ZNF559: variants seen among roughly 807,000 people sequenced by gnomAD.
ZNF559 encodes the protein putative protein product of Nbla00121.
ZNF559 carries 17 observed loss-of-function variants against 14.2 expected under a neutral mutation model. The observed-to-expected ratio is 1.20, with a 90% confidence interval of 0.82 to 1.80. The LOEUF (loss-of-function observed/expected upper bound fraction) is 1.80. Among genes scored for constraint, ZNF559 ranks in the 40% most tolerant of loss-of-function variants. The pLI, the probability that ZNF559 is intolerant of heterozygous loss-of-function variation, is 0.00. For synonymous variants in ZNF559, 244 were observed against 212.4 expected, an observed-to-expected ratio of 1.15 and a Z score of -1.29; for missense variants, 740 against 629.7, an observed-to-expected ratio of 1.18 and a Z score of -1.88.
Position 9,341,820 on chromosome 19 carries a change from A to T in ZNF559, c.369A>T (p.Gln123His), listed in dbSNP as rs372612939. 1 of 1,611,420 alleles carries T rather than the reference A, an allele frequency of 6.2e-7. No homozygotes were observed. The highest frequency in any genetic ancestry group is 1.1e-5 in the South Asian group (1 of 90,342). The change falls in exon 7 of 7, where the codon CAA becomes CAT. Residue 123 changes from glutamine to histidine, a missense_variant. By Grantham distance (24) the Gln-to-His change is conservative (BLOSUM62 0). Transcript: ENST00000603380. ...YFRKKTCECN[Q>H]CEKAFRKPSI... ...GAAAGAAAACCTGTGAGTGTAATCA[A>T]TGTGAAAAAGCCTTCAGAAAACCCT... is the stretch of plus-strand genomic sequence containing the variant.
At chr19:9,323,883 C>T (rs1170449941), upstream of ZNF559, 2 of 492,284 alleles carry the variant, frequency 4.1e-6, no homozygotes, top group Non-Finnish European at 7.3e-6. Context: ...AGTTCCCACA[C>T]TGTGGAGTAT....
chr19:9,330,142 A>T (rs1329299461), intron 2 of ZNF559: 1 of 152,054 alleles, frequency 6.6e-6, no homozygotes, highest in Non-Finnish European at 1.5e-5. Context: ...TGACTTTTTG[A>T]ATATTCCATT....
chr19:9,334,155 A>G (rs2067096644), intron 2 of ZNF559, among the ~76,000 whole-genome samples: 1 of 152,254 alleles, frequency 6.6e-6, no homozygotes, highest in Non-Finnish European at 1.5e-5. Context: ...CCCAGAATTA[A>G]GCAACTCAAA....
rs115160814 is a variant in ZNF559, at chr19:9,328,184, T to C, written c.-120+3404T>C. Among the ~76,000 whole-genome samples, 1,519 of 152,224 alleles carry C rather than the reference T, an allele frequency of 1.0e-2. 17 individuals are homozygous for C. The highest frequency in any genetic ancestry group is 0.026 in the African/African-American group (1,093 of 41,520). On this transcript the variant is annotated intron_variant, in intron 2 of 6. Coordinates refer to ENST00000603380, the MANE Select transcript of ZNF559 (RefSeq NM_032497.3). ...TGATATATTATTTGTTGTAGCAACA[T>C]TACCAGATGACTAGTATTACTACCA...
Position 9,328,899 on chromosome 19 carries a change from G to A in ZNF559, c.-120+4119G>A, listed in dbSNP as rs189667334. 3.4e-3 allele frequency among the ~76,000 whole-genome samples: 514 copies of A among 152,274 alleles called. 2 individuals are homozygous for A. Among genetic ancestry groups the A allele is most frequent in the Non-Finnish European group, 5.5e-3 (374 of 68,016 alleles). On this transcript the variant is annotated intron_variant, in intron 2 of 6. Coordinates refer to ENST00000603380, the MANE Select transcript of ZNF559 (RefSeq NM_032497.3). Reference sequence around the variant, plus strand: ...AAAATATTACATAAGCCCTCCAGGTGAAAGTGGGATATTTCAGTCTTTCTG... The same window carrying A: ...AAAATATTACATAAGCCCTCCAGGTAAAAGTGGGATATTTCAGTCTTTCTG...
At chr19:9,332,438 T>C (rs2145122627) in intron 2 of ZNF559, among the ~76,000 whole-genome samples, 1 of 152,262 alleles carries the variant, frequency 6.6e-6, no homozygotes, top group Middle Eastern at 3.4e-3. Flanking sequence ...AACCAGCCTG[T>C]GATAGCTGAG....
intron 2 of ZNF559, among the ~76,000 whole-genome samples, chr19:9,325,650 G>T (rs2066546265): frequency 6.6e-6 from 1 of 151,878 alleles, no homozygotes; most frequent in Non-Finnish European, 1.5e-5. Flanking sequence ...AAATTAGCCG[G>T]GCGTGGGCAC....
chr19:9,327,574 C>T (rs1296217723), intron 2 of ZNF559, among the ~76,000 whole-genome samples: 1 of 152,180 alleles, frequency 6.6e-6, no homozygotes, highest in African/African-American at 2.4e-5. Flanking sequence ...TAACATCACT[C>T]AGTCATCTTC....
chr19:9,333,830 AAAATT>A (rs2067075236), intron 2 of ZNF559, among the ~76,000 whole-genome samples: 1 of 152,218 alleles, frequency 6.6e-6, no homozygotes, highest in African/African-American at 2.4e-5. Context: ...ATCCAATAGA[AAAATT>A]AAGAGGCTTG....
intron 2 of ZNF559, among the ~76,000 whole-genome samples, chr19:9,326,275 A>G (rs939456688): frequency 3.2e-4 from 49 of 152,066 alleles, no homozygotes; most frequent in African/African-American, 1.1e-3. Context: ...ACGCCCGGCT[A>G]ATTGTATTTT....
In ZNF559 at chr19:9,342,485, GA is replaced by G. The variant is rs757395773; in HGVS notation, c.1036del (p.Thr346LeufsTer27). On this transcript the variant is annotated frameshift_variant, in exon 7 of 7. Coordinates refer to ENST00000603380, the MANE Select transcript of ZNF559 (RefSeq NM_032497.3). LOFTEE classifies it low-confidence loss of function (END_TRUNC). ...TDSSGLIKHR[R>X]THTGEKPYEC... is the part of the protein sequence containing the mutation. ...TCATCAGGTCTTATAAAACACAGGC[GA>G]ACTCACACTGGAGAAAAGCCTTATG... The G allele has an allele frequency of 3.7e-5, 59 of 1,614,136 alleles. No homozygotes were observed. In the East Asian group the frequency reaches 1.3e-3, roughly 36 times the overall value.
chr19:9,341,334 C>T, intron 6 of ZNF559, 150 bp downstream of exon 6: 1 of 812,192 alleles, frequency 1.2e-6, no homozygotes, highest in Non-Finnish European at 2.1e-6. Flanking sequence ...GACTATGGAT[C>T]ATGAGTTTGA....
At chr19:9,324,479 T>C in intron 1 of ZNF559, 1 of 1,407,218 alleles carries the variant, frequency 7.1e-7, no homozygotes, top group Non-Finnish European at 9.3e-7. Context: ...GCCTTTCCAT[T>C]TTCCCTGCTC....
intron 2 of ZNF559, among the ~76,000 whole-genome samples, chr19:9,334,439 A>C (rs143467799): frequency 1.4e-4 from 22 of 152,358 alleles, no homozygotes; most frequent in African/African-American, 4.8e-4. Flanking sequence ...AAAGAACTAT[A>C]TGTGTAACAG....
intron 2 of ZNF559, among the ~76,000 whole-genome samples, chr19:9,336,973 A>T (rs925062779): frequency 6.6e-6 from 1 of 152,228 alleles, no homozygotes; most frequent in South Asian, 2.1e-4. Flanking sequence ...AAGGGTACAG[A>T]TTAGAATCTG....
At position 9,343,029 on chromosome 19, in the gene ZNF559, A is replaced by T. The variant is rs187974785; in HGVS notation, c.1578A>T (p.Gln526His). 20 of 1,613,732 alleles carry T rather than the reference A, an allele frequency of 1.2e-5. No homozygotes were observed. The highest frequency in any genetic ancestry group is 1.7e-5 in the Non-Finnish European group (20 of 1,179,818). Residue 526 changes from glutamine (Q) to histidine (H), a missense_variant, in exon 7 of 7, where the codon CAA becomes CAT. Gln to His is a conservative substitution (Grantham distance 24). Transcript: ENST00000603380. ...SVEKPYKECGQTFSNSSCLTE... is the reference protein window; with the variant it reads ...SVEKPYKECGHTFSNSSCLTE... ...AGAAACCATATAAGGAATGTGGGCAAACCTTTAGTAATTCCTCATGCCTTA... is the reference window on the plus strand; with the variant it reads ...AGAAACCATATAAGGAATGTGGGCATACCTTTAGTAATTCCTCATGCCTTA...
At chr19:9,324,350 G>A in intron 1 of ZNF559, 122 bp downstream of exon 1, 1 of 1,516,630 alleles carries the variant, frequency 6.6e-7, no homozygotes, top group Non-Finnish European at 8.8e-7. Flanking sequence ...CGGGCATTTC[G>A]AGCATCTTGT....
chr19:9,325,255 G>GA (rs1041386171), intron 2 of ZNF559, among the ~76,000 whole-genome samples: 2 of 151,220 alleles, frequency 1.3e-5, no homozygotes, highest in Non-Finnish European at 3.0e-5. Context: ...TGCCAACCTG[G>GA]AAAAAATAGG....
Position 9,343,381 on chromosome 19 carries a change from T to C in ZNF559, c.*313T>C, listed in dbSNP as rs941191647. The C allele has an allele frequency of 1.8e-6, 2 of 1,125,388 alleles. No individual in the cohort carries two copies. Among genetic ancestry groups the C allele is most frequent in the African/African-American group, 1.6e-5 (1 of 62,584 alleles). 69.7% of individuals were successfully genotyped at this position (1,125,388 alleles called of 1,614,324 possible). The stretch of plus-strand genomic sequence containing the variant: ...GAACTCATGCTGGAGAGAAATGCTA[T>C]GAATGTGAGGAAGGTGGAAAAGCTT... On this transcript the variant is annotated 3_prime_UTR_variant, in exon 7 of 7. Transcript: ENST00000603380.
Sources: allele counts gnomAD v4.1 joint callset (sites outside exome capture counted in the v4.1 genomes callset), GRCh38; gene constraint gnomAD v4.1.1; transcripts MANE v1.5; gene names NCBI Gene and HGNC (gene_info 2026-07-23, HGNC 2026-07-21).